TNRC18: variants seen among roughly 807,000 people sequenced by gnomAD.
TNRC18 encodes trinucleotide repeat-containing gene 18 protein.
TNRC18 carries 69 observed loss-of-function variants against 226.7 expected under a neutral mutation model. That is an observed-to-expected ratio of 0.30 (90% CI 0.25 to 0.37). TNRC18 has a LOEUF of 0.37. Ranked by LOEUF, TNRC18 falls within the 10% of genes least tolerant of loss-of-function variation. TNRC18 has a pLI of 1.00. For missense variants in TNRC18, 4,754 were observed against 4,256.6 expected, an observed-to-expected ratio of 1.12 and a Z score of -3.25; for synonymous variants, 2,449 against 1,927.6, an observed-to-expected ratio of 1.27 and a Z score of -7.09.
chr7:5,339,205 T>G (rs543567978), intron 18 of TNRC18, among the ~76,000 whole-genome samples: 1 of 150,170 alleles, frequency 6.7e-6, no homozygotes, highest in African/African-American at 2.4e-5. Context: ...CCAACAAATG[T>G]GTTTTTTTTG....
At chr7:5,308,835 C>CAA in intron 29 of TNRC18, 40 bp downstream of exon 29, 1 of 1,339,274 alleles carries the variant, frequency 7.5e-7, no homozygotes, top group Non-Finnish European at 1.0e-6. Flanking sequence ...AGGAAGCAGC[C>CAA]ATCCCCAACC....
chr7:5,371,022 C>A lies in TNRC18; in HGVS notation c.3572G>T (p.Ser1191Ile). The A allele has an allele frequency of 1.2e-6, 2 of 1,609,104 alleles. No homozygotes were observed. Among genetic ancestry groups the A allele is most frequent in the East Asian group, 2.2e-5 (1 of 44,880 alleles). The change falls in exon 11 of 30, where the codon AGC (serine) becomes ATC (isoleucine). Residue 1191 changes from serine (S) to isoleucine (I), a missense_variant. By Grantham distance (142) the Ser-to-Ile change is moderately radical. Transcript: ENST00000430969. ...LPAAEAMATP[S>I]PAGGCGGGLL... ...GCCACCTCCACAACCCCCTGCAGGG[C>A]TGGGGGTAGCCATGGCTTCCGCGGC... is the stretch of plus-strand genomic sequence containing the variant.
chr7:5,411,320 C>T (rs1316307740), intron 2 of TNRC18, among the ~76,000 whole-genome samples: 2 of 151,182 alleles, frequency 1.3e-5, no homozygotes, highest in African/African-American at 4.9e-5. Context: ...TGAAAAGTAG[C>T]AGTCGAATAT....
At chr7:5,359,751 G>C (rs1373326245) in intron 14 of TNRC18, among the ~76,000 whole-genome samples, 182 bp from the exon 15 acceptor site, 1 of 152,196 alleles carries the variant, frequency 6.6e-6, no homozygotes, top group Non-Finnish European at 1.5e-5. Flanking sequence ...GGATATTTGT[G>C]AATGAGGCAG....
chr7:5,378,472 G>A (rs1471625796), intron 5 of TNRC18, among the ~76,000 whole-genome samples: 2 of 150,746 alleles, frequency 1.3e-5, no homozygotes, highest in Non-Finnish European at 2.9e-5. Flanking sequence ...AGGCTGGAGT[G>A]CAGTGGCACG....
rs564659301 is a variant in TNRC18 at position 5,413,492 on chromosome 7, G to A, written c.187+7568C>T. 1.2e-4 allele frequency among the ~76,000 whole-genome samples: 19 copies of A among 152,088 alleles called. No homozygotes were observed. In the East Asian group the frequency reaches 2.9e-3, roughly 23 times the overall value. ...CTAATTACCTCCTGCTTCTCTCCTC[G>A]TCTACCAGACTGTCTCTGGCTAGCA... On this transcript the variant is annotated intron_variant, in intron 2 of 29. Transcript: ENST00000430969.
intron 18 of TNRC18, among the ~76,000 whole-genome samples, chr7:5,337,423 G>A (rs1479962232): frequency 1.3e-5 from 2 of 151,546 alleles, no homozygotes; most frequent in Non-Finnish European, 2.9e-5. Context: ...GGCGGAGGTT[G>A]CAGTAAGTCA....
chr7:5,312,684 G>T lies in TNRC18; in HGVS notation c.8207C>A (p.Pro2736His). The change falls in exon 27 of 30, where the codon CCT becomes CAT. Residue 2736 changes from proline (P) to histidine (H), a missense_variant. Physicochemically the swap from Pro to His is moderately conservative, Grantham distance 77 (BLOSUM62 -2). Transcript: ENST00000430969. The surrounding 1 kb of genome is among the most constrained non-coding windows in gnomAD (Gnocchi z 6.3). ...PQAPPPQPTQPLQPKAQAGAK... is the reference protein window; with the variant it reads ...PQAPPPQPTQHLQPKAQAGAK... ...CCCGGCCTGAGCCTTGGGCTGCAGA[G>T]GCTGTGTGGGCTGCGGAGGAGGCGC... is the stretch of plus-strand genomic sequence containing the variant. 1 of 1,598,854 alleles carries T rather than the reference G, an allele frequency of 6.3e-7. No homozygotes were observed. The highest frequency in any genetic ancestry group is 2.2e-5 in the East Asian group (1 of 44,620).
chr7:5,322,307 C>CATCATCATG (rs1215145919), intron 21 of TNRC18, among the ~76,000 whole-genome samples: 1 of 151,732 alleles, frequency 6.6e-6, no homozygotes, highest in Non-Finnish European at 1.5e-5. Context: ...TCATCATCAT[C>CATCATCATG]ATGATGTCAG....
At position 5,403,038 on chromosome 7, in the gene TNRC18, T is replaced by C. The variant is rs542215624; in HGVS notation, c.188-8443A>G. ...CAGATAAAGAGACTGAGGCTCTCAC[T>C]CCCAAACCTACACTTCTCCACTCAG... On this transcript the variant is annotated intron_variant, in intron 2 of 29. Coordinates refer to ENST00000430969, the MANE Select transcript of TNRC18 (RefSeq NM_001080495.3). 1.1e-4 allele frequency among the ~76,000 whole-genome samples: 17 copies of C among 151,870 alleles called. 2 individuals carry two copies. Among genetic ancestry groups the C allele is most frequent in the African/African-American group, 3.9e-4 (16 of 41,394 alleles).
At chr7:5,380,094 C>A (rs76186494) in intron 5 of TNRC18, among the ~76,000 whole-genome samples, 7,369 of 152,204 alleles carry the variant, frequency 0.048, 257 homozygotes, top group Non-Finnish European at 0.069. Flanking sequence ...AACTTGGAAT[C>A]AAGCTTCTCC....
intron 11 of TNRC18, among the ~76,000 whole-genome samples, chr7:5,367,758 A>C (rs1486238039): frequency 4.3e-5 from 6 of 138,120 alleles, no homozygotes; most frequent in Non-Finnish European, 6.3e-5. Context: ...TCTTCTACCC[A>C]AAAAAAAAAA....
Position 5,382,557 on chromosome 7 carries a change from G to T in TNRC18, c.2153-4533C>A, listed in dbSNP as rs1035415545. Among the ~76,000 whole-genome samples, 28 of 152,078 alleles carry T rather than the reference G, an allele frequency of 1.8e-4. 1 individual carries two copies. The highest frequency in any genetic ancestry group is 3.5e-4 in the Non-Finnish European group (24 of 68,010). ...GGGTCCGGGGAAGCGGATCGGGGGG[G>T]AGTGACTGGATAGAGGCCCCAGCAG... On this transcript the variant is annotated intron_variant, in intron 5 of 29. Coordinates refer to ENST00000430969, the MANE Select transcript of TNRC18 (RefSeq NM_001080495.3).
At chr7:5,415,731 A>T (rs1271451706) in intron 2 of TNRC18, among the ~76,000 whole-genome samples, 2 of 151,974 alleles carry the variant, frequency 1.3e-5, no homozygotes, top group African/African-American at 2.4e-5. Flanking sequence ...CAGATTACAA[A>T]ACAATATGAG....
intron 18 of TNRC18, among the ~76,000 whole-genome samples, chr7:5,333,448 G>A (rs1410598856): frequency 1.3e-5 from 2 of 152,178 alleles, no homozygotes; most frequent in African/African-American, 2.4e-5. Context: ...CCCAAGCCCC[G>A]CTCGCCTTCT....
Position 5,388,774 on chromosome 7 carries a change from C to T in TNRC18, c.1050G>A (p.Ala350=). 1 of 1,215,702 alleles carries T rather than the reference C, an allele frequency of 8.2e-7. No individual in the cohort carries two copies. Among genetic ancestry groups the T allele is most frequent in the Non-Finnish European group, 1.0e-6 (1 of 975,694 alleles). The allele number at this position is 1,215,702 out of a possible 1,614,324, so 75.3% of individuals were successfully genotyped here. The part of the protein sequence containing the change: ...APPKGPPAPP[A]ATPAGVYTVF... ...CGGTGTAGACGCCGGCGGGGGTGGC[C>T]GCGGGGGGTGCAGGAGGCCCCTTGG... The change falls in exon 5 of 30, where the codon GCG becomes GCA. Residue 350 remains alanine, a synonymous_variant. Transcript: ENST00000430969.
At position 5,389,078 on chromosome 7, in the gene TNRC18, C is replaced by CCG. The variant is rs1199011234; in HGVS notation, c.745_746insCG (p.Gly249AlafsTer34). On this transcript the variant is annotated frameshift_variant, in exon 5 of 30. Coordinates refer to ENST00000430969, the MANE Select transcript of TNRC18 (RefSeq NM_001080495.3). LOFTEE classifies it high-confidence loss of function. Reference sequence around the variant, plus strand: ...GCGCGGGGGCCCCCGGTCCTGGCGGCCCTCGGCGCGCGCCTCCTGGGTCAG... The same window carrying CCG: ...GCGCGGGGGCCCCCGGTCCTGGCGGCCGCCTCGGCGCGCGCCTCCTGGGTCAG... 7.8e-6 allele frequency: 10 copies of CCG among 1,280,756 alleles called. No homozygotes were observed. The African/African-American group carries it at 1.6e-4, about 21-fold the overall frequency. 79.3% of individuals were successfully genotyped at this position (1,280,756 alleles called of 1,614,324 possible).
intron 2 of TNRC18, 49 bp downstream of exon 2, chr7:5,421,011 G>C (rs955342349): frequency 1.3e-6 from 2 of 1,543,990 alleles, no homozygotes; most frequent in Non-Finnish European, 1.8e-6. Flanking sequence ...CGGCCGAGTG[G>C]ATCTCCCTGG....
intron 10 of TNRC18, 147 bp downstream of exon 10, chr7:5,373,908 C>T: frequency 1.7e-6 from 1 of 575,894 alleles, no homozygotes; most frequent in Non-Finnish European, 2.8e-6. Flanking sequence ...GTGTTTGTCT[C>T]AGTGTCTGGC....
Sources: gnomAD v4.1 joint callset for allele counts (sites outside exome capture counted in the v4.1 genomes callset) on GRCh38, gnomAD v4.1.1 for gene constraint, Gnocchi (gnomAD v3.1) non-coding constraint, MANE v1.5 for transcripts, NCBI Gene and HGNC (gene_info 2026-07-23, HGNC 2026-07-21) for gene names.